Variants in SLC9A2 observed in about 807,000 individuals in gnomAD.
The protein encoded by SLC9A2 is solute carrier family 9 member A2, also known as sodium/hydrogen exchanger 2.
SLC9A2 carries 42 observed loss-of-function variants against 71.7 expected under a neutral mutation model. The ratio of observed to expected loss-of-function variants is 0.59; its 90% CI spans 0.46 to 0.76. The LOEUF is 0.76. SLC9A2 is among the 30% of genes least tolerant of loss of function. The pLI is 0.00. For synonymous variants in SLC9A2, 396 were observed against 392.5 expected, an observed-to-expected ratio of 1.01 and a Z score of -0.10; for missense variants, 829 against 1,017.4, an observed-to-expected ratio of 0.81 and a Z score of 2.52.
rs757685518 is a variant in SLC9A2, at chr2:102,708,488, A to C, written c.2438A>C (p.Ter813SerextTer8). The change falls in exon 12 of 12, where the codon TAA becomes TCA. Residue 813 changes from the stop codon to serine, a stop_lost. Transcript: ENST00000233969. ...RKARFGSEKP[*>S] The stretch of plus-strand genomic sequence containing the variant: ...GCCCGATTTGGGAGTGAGAAGCCTT[A>C]AGAGAAGCAGCGAAAGCAGATCTGA... The C allele has an allele frequency of 6.2e-7, 1 of 1,612,974 alleles. No homozygotes were observed. The highest frequency in any genetic ancestry group is 8.5e-7 in the Non-Finnish European group (1 of 1,179,354).
At chr2:102,681,296 G>A (rs569743382) in intron 3 of SLC9A2, among the ~76,000 whole-genome samples, 1 of 152,204 alleles carries the variant, frequency 6.6e-6, no homozygotes, top group Non-Finnish European at 1.5e-5. Flanking sequence ...GGACTTAAAC[G>A]CCTGGGCCCA....
At chr2:102,647,947 A>G (rs906232822) in intron 1 of SLC9A2, among the ~76,000 whole-genome samples, 1 of 152,230 alleles carries the variant, frequency 6.6e-6, no homozygotes, top group African/African-American at 2.4e-5. Context: ...TTCTGAAATT[A>G]TTCCAAACAA....
chr2:102,659,066 T>C (rs1677000562), intron 2 of SLC9A2, among the ~76,000 whole-genome samples: 1 of 152,116 alleles, frequency 6.6e-6, no homozygotes, highest in South Asian at 2.1e-4. Flanking sequence ...AGGACTTAAT[T>C]TTTAATTCCC....
At chr2:102,631,318 T>C (rs1234443202) in intron 1 of SLC9A2, among the ~76,000 whole-genome samples, 1 of 151,780 alleles carries the variant, frequency 6.6e-6, no homozygotes, top group African/African-American at 2.4e-5. Flanking sequence ...CTAGTATTTA[T>C]TTATTTAGGA....
intron 2 of SLC9A2, among the ~76,000 whole-genome samples, chr2:102,659,241 C>T (rs562496053): frequency 3.3e-4 from 49 of 148,464 alleles, no homozygotes; most frequent in Admixed American, 5.4e-4. Context: ...CAAGCCTGAC[C>T]GACATGGTGA....
In SLC9A2 at chr2:102,705,931, T is replaced by C; in HGVS notation, c.2063T>C (p.Ile688Thr). The C allele has an allele frequency of 6.3e-7, 1 of 1,579,694 alleles. No homozygotes were observed. The highest frequency in any genetic ancestry group is 8.6e-7 in the Non-Finnish European group (1 of 1,156,200). Reference protein sequence around the residue: ...EKLQKRRTISIADGNSSDSDA... With the variant: ...EKLQKRRTISTADGNSSDSDA... ...CTACAAAAGAGGAGGACTATTTCTA[T>C]TGCAGGTAGTGAATATAGTTGGAGC... is the stretch of plus-strand genomic sequence containing the variant. Residue 688 changes from isoleucine (I) to threonine (T), a missense_variant, in exon 11 of 12, where the codon ATT (isoleucine) becomes ACT (threonine). Physicochemically the swap from Ile to Thr is moderately conservative, Grantham distance 89. Around this residue, in one of 3 missense-constraint regions of SLC9A2, gnomAD observed 223 missense variants for 197.5 expected, o/e 1.13. Transcript: ENST00000233969.
chr2:102,648,997 T>C (rs1676782558), intron 1 of SLC9A2, among the ~76,000 whole-genome samples: 1 of 152,016 alleles, frequency 6.6e-6, no homozygotes. Flanking sequence ...AAATTTCATA[T>C]GGAAACAAAA....
At chr2:102,682,041 A>G (rs933944212) in intron 3 of SLC9A2, among the ~76,000 whole-genome samples, 1 of 152,210 alleles carries the variant, frequency 6.6e-6, no homozygotes, top group Non-Finnish European at 1.5e-5. Flanking sequence ...AGCTAGGGTC[A>G]CTGTACTGGT....
chr2:102,678,946 T>C (rs1050227014), intron 3 of SLC9A2, among the ~76,000 whole-genome samples: 7 of 152,194 alleles, frequency 4.6e-5, no homozygotes, highest in African/African-American at 9.6e-5. Flanking sequence ...ACTTCTGATA[T>C]TTTTGAAGGT....
chr2:102,678,842 T>C (rs1677392770), intron 3 of SLC9A2, among the ~76,000 whole-genome samples: 1 of 152,078 alleles, frequency 6.6e-6, no homozygotes, highest in South Asian at 2.1e-4. Flanking sequence ...CCTGGCGGAG[T>C]GGGCAGAGAT....
Position 102,654,739 on chromosome 2 carries a change from G to A in SLC9A2, c.290-2825G>A, listed in dbSNP as rs542682714. 1.9e-3 allele frequency among the ~76,000 whole-genome samples: 284 copies of A among 152,262 alleles called. 2 individuals are homozygous for A. The highest frequency in any genetic ancestry group is 6.5e-3 in the African/African-American group (272 of 41,542). On this transcript the variant is annotated intron_variant, in intron 1 of 11. Coordinates refer to ENST00000233969, the MANE Select transcript of SLC9A2 (RefSeq NM_003048.6). ...TTGTCATTGTGTGACATCATAGGGC[G>A]TGCTTACACAAACCTAGGTGGTACA...
intron 9 of SLC9A2, among the ~76,000 whole-genome samples, chr2:102,704,195 A>G (rs189976228): frequency 6.5e-4 from 99 of 152,254 alleles, no homozygotes; most frequent in African/African-American, 2.2e-3. Context: ...ACATACCTGT[A>G]ATAACAACTT....
In SLC9A2 at chr2:102,669,568, C is replaced by G. The variant is rs543085200; in HGVS notation, c.1004+4218C>G. On this transcript the variant is annotated intron_variant, in intron 3 of 11. Transcript: ENST00000233969. Reference sequence around the variant, plus strand: ...CTTCACATATCAATAGCATTGGACACCTTTGAGTATCAAAGTACTATAGCA... The same window carrying G: ...CTTCACATATCAATAGCATTGGACAGCTTTGAGTATCAAAGTACTATAGCA... 3.3e-5 allele frequency among the ~76,000 whole-genome samples: 5 copies of G among 152,252 alleles called. No homozygotes were observed. The East Asian group carries it at 9.7e-4, about 29-fold the overall frequency.
chr2:102,631,901 C>A (rs1676362706), intron 1 of SLC9A2, among the ~76,000 whole-genome samples: 1 of 149,308 alleles, frequency 6.7e-6, no homozygotes, highest in African/African-American at 2.5e-5. Context: ...AGCAGGAAGA[C>A]CCTGTTGTAA....
chr2:102,684,148 A>G lies in SLC9A2; in HGVS notation c.1237A>G (p.Thr413Ala), dbSNP rs749130811. Residue 413 changes from threonine (T) to alanine (A), a missense_variant, in exon 5 of 12, where the codon ACT becomes GCT. Physicochemically the swap from Thr to Ala is moderately conservative, Grantham distance 58. Around this residue, in one of 3 missense-constraint regions of SLC9A2, gnomAD observed 500 missense variants for 726.3 expected, o/e 0.69. Coordinates refer to ENST00000233969, the MANE Select transcript of SLC9A2 (RefSeq NM_003048.6). ...MWRALGVFVL[T>A]QVINRFRTIP... is the part of the protein sequence containing the mutation. ...TTTCTTTGCAGGTGTTTTTGTCCTG[A>G]CTCAGGTCATTAATAGGTTCCGGAC... The G allele has an allele frequency of 6.2e-6, 10 of 1,613,854 alleles. No homozygotes were observed.
intron 1 of SLC9A2, among the ~76,000 whole-genome samples, chr2:102,621,777 C>T (rs1352128323): frequency 6.6e-6 from 1 of 152,146 alleles, no homozygotes; most frequent in Non-Finnish European, 1.5e-5. Flanking sequence ...TATGCCATTG[C>T]AGGGAAGCAG....
chr2:102,645,827 T>C (rs1185128196), intron 1 of SLC9A2, among the ~76,000 whole-genome samples: 3 of 152,132 alleles, frequency 2.0e-5, no homozygotes, highest in African/African-American at 4.8e-5. Context: ...CTATGATTGA[T>C]TGGTGTGCCT....
At chr2:102,625,185 T>A (rs1676222831) in intron 1 of SLC9A2, among the ~76,000 whole-genome samples, 1 of 152,182 alleles carries the variant, frequency 6.6e-6, no homozygotes, top group Non-Finnish European at 1.5e-5. Flanking sequence ...CTCACACATT[T>A]TCTGTTCTCT....
At chr2:102,685,719 G>T (rs1677534875) in intron 5 of SLC9A2, among the ~76,000 whole-genome samples, 1 of 151,560 alleles carries the variant, frequency 6.6e-6, no homozygotes, top group Admixed American at 6.6e-5. Flanking sequence ...GGAAGTCTGT[G>T]CATGGCAGAG....
Sources: gnomAD v4.1 joint callset for allele counts (sites outside exome capture counted in the v4.1 genomes callset) on GRCh38, gnomAD v4.1.1 for gene constraint, gnomAD v4.1.1 regional missense constraint, MANE v1.5 for transcripts, NCBI Gene and HGNC (gene_info 2026-07-23, HGNC 2026-07-21) for gene names.